Variants in RBFOX1 observed in about 807,000 individuals in gnomAD.
The protein encoded by RBFOX1 is RNA binding protein fox-1 homolog 1.
Under a neutral mutation model 57.7 loss-of-function variants are expected in RBFOX1, and 8 were observed. The observed-to-expected ratio is 0.14, with a 90% CI of 0.08 to 0.25. The LOEUF is 0.25. Ranked by LOEUF, RBFOX1 falls within the 10% of genes least tolerant of loss-of-function variation. The pLI is 1.00. For missense variants in RBFOX1, 611 were observed against 548.5 expected, an observed-to-expected ratio of 1.11 and a Z score of -1.14; for synonymous variants, 326 against 222.4, an observed-to-expected ratio of 1.47 and a Z score of -4.15.
Position 6,985,110 on chromosome 16 carries a change from C to CCCCTA in RBFOX1, c.-15-66922_-15-66918dup, listed in dbSNP as rs528617006. Among the ~76,000 whole-genome samples the CCCCTA allele has an allele frequency of 9.9e-4, 151 of 151,994 alleles. 1 individual carries two copies. The highest frequency in any genetic ancestry group is 2.7e-3 in the East Asian group (14 of 5,164). The stretch of plus-strand genomic sequence containing the variant: ...AATTTCCTCTCCCCTCTCCTTCCTT[C>CCCCTA]CCCTACCCTACCCTACCCTACCCTA... On this transcript the variant is annotated intron_variant, in intron 3 of 15. Transcript: ENST00000550418.
intron 4 of RBFOX1, among the ~76,000 whole-genome samples, chr16:7,463,122 C>T (rs1038030503): frequency 3.3e-5 from 5 of 152,146 alleles, no homozygotes; most frequent in Admixed American, 1.3e-4. Flanking sequence ...CAGGTAAGGG[C>T]CCACTTTTTG....
chr16:5,931,555 G>A (rs975043554), intron 4 of RBFOX1, among the ~76,000 whole-genome samples: 5 of 152,136 alleles, frequency 3.3e-5, no homozygotes, highest in Non-Finnish European at 7.3e-5. Context: ...TAATGTGTAG[G>A]CAGATAGGTA....
chr16:5,958,161 T>G (rs1310119078), intron 4 of RBFOX1, among the ~76,000 whole-genome samples: 1 of 152,226 alleles, frequency 6.6e-6, no homozygotes. Context: ...GATACTTTTT[T>G]GTGTAAAGGG....
At chr16:5,556,091 T>G (rs1476269140) in intron 2 of RBFOX1, among the ~76,000 whole-genome samples, 2 of 152,208 alleles carry the variant, frequency 1.3e-5, no homozygotes, top group Non-Finnish European at 2.9e-5. Flanking sequence ...TGTATTCTAC[T>G]GCTATGATTT....
intron 4 of RBFOX1, among the ~76,000 whole-genome samples, chr16:7,361,911 A>T (rs978341266): frequency 1.5e-5 from 2 of 137,106 alleles, no homozygotes; most frequent in Non-Finnish European, 3.1e-5. Flanking sequence ...TTTTTGTGTT[A>T]GTTTGCATAT....
At chr16:5,613,005 C>A (rs1029444763) in intron 3 of RBFOX1, among the ~76,000 whole-genome samples, 1 of 152,168 alleles carries the variant, frequency 6.6e-6, no homozygotes, top group East Asian at 1.9e-4. Context: ...CTCCATTTTA[C>A]AGATGACAAG....
intron 2 of RBFOX1, among the ~76,000 whole-genome samples, chr16:5,597,172 C>G (rs2047209144): frequency 6.6e-6 from 1 of 151,916 alleles, no homozygotes; most frequent in Non-Finnish European, 1.5e-5. Context: ...CTGTTTCTCT[C>G]TCTTTTGATA....
intron 5 of RBFOX1, among the ~76,000 whole-genome samples, chr16:7,568,636 A>C (rs1000939322): frequency 2.0e-5 from 3 of 152,062 alleles, no homozygotes; most frequent in Non-Finnish European, 4.4e-5. Context: ...CTGTAATCCC[A>C]GCACTGTGGG....
At chr16:7,624,860 G>C (rs536996412) in intron 10 of RBFOX1, among the ~76,000 whole-genome samples, 2 of 152,302 alleles carry the variant, frequency 1.3e-5, no homozygotes, top group South Asian at 4.1e-4. Context: ...GAAATGCCAA[G>C]GTTGTTGGTT....
chr16:6,123,193 C>A (rs868066470), intron 1 of RBFOX1, among the ~76,000 whole-genome samples: 1 of 152,142 alleles, frequency 6.6e-6, no homozygotes, highest in African/African-American at 2.4e-5. Context: ...TGCACAGATA[C>A]TTGTATACCA....
chr16:6,057,582 A>G (rs1005875945), intron 1 of RBFOX1, among the ~76,000 whole-genome samples: 3 of 152,150 alleles, frequency 2.0e-5, no homozygotes, highest in Non-Finnish European at 4.4e-5. Context: ...AAAAAGAAAA[A>G]AAAAGACCAA....
intron 3 of RBFOX1, among the ~76,000 whole-genome samples, chr16:5,674,631 T>C (rs2050112289): frequency 6.6e-6 from 1 of 152,228 alleles, no homozygotes; most frequent in African/African-American, 2.4e-5. Flanking sequence ...GTGCCAAAGT[T>C]ATTGTGGGTT....
intron 4 of RBFOX1, among the ~76,000 whole-genome samples, chr16:7,108,262 G>A (rs2063969095): frequency 6.6e-6 from 1 of 152,060 alleles, no homozygotes; most frequent in Non-Finnish European, 1.5e-5. Context: ...ATGGGGAACT[G>A]GTATTCAGGG....
intron 2 of RBFOX1, among the ~76,000 whole-genome samples, chr16:6,489,657 A>G (rs2095586395): frequency 6.6e-6 from 1 of 152,172 alleles, no homozygotes; most frequent in Non-Finnish European, 1.5e-5. Flanking sequence ...TTTTAGTCTC[A>G]TTTTGGAGTG....
intron 3 of RBFOX1, among the ~76,000 whole-genome samples, chr16:6,936,131 C>A (rs904491124): frequency 6.6e-6 from 1 of 152,164 alleles, no homozygotes; most frequent in Non-Finnish European, 1.5e-5. Flanking sequence ...AGCTTCTGTA[C>A]ACTTGATGGA....
At chr16:6,109,840 A>G (rs1597389530) in intron 1 of RBFOX1, among the ~76,000 whole-genome samples, 1 of 152,206 alleles carries the variant, frequency 6.6e-6, no homozygotes, top group Non-Finnish European at 1.5e-5. Context: ...CTTCAATTTT[A>G]CATCAAATAG....
At chr16:6,702,653 C>T (rs376981519) in intron 3 of RBFOX1, among the ~76,000 whole-genome samples, 16 of 152,314 alleles carry the variant, frequency 1.1e-4, no homozygotes, top group African/African-American at 3.6e-4. Flanking sequence ...GATACCCAGC[C>T]CAGTGACTGG....
intron 3 of RBFOX1, among the ~76,000 whole-genome samples, chr16:6,829,366 C>T (rs1011835047): frequency 1.3e-5 from 2 of 150,346 alleles, no homozygotes; most frequent in Non-Finnish European, 2.9e-5. Context: ...TCAATGTGTA[C>T]ACACACATAC....
intron 1 of RBFOX1, among the ~76,000 whole-genome samples, chr16:5,428,894 T>C (rs80313670): frequency 0.015 from 2,323 of 152,296 alleles, 68 homozygotes; most frequent in African/African-American, 0.053. Flanking sequence ...CACTGTTTTG[T>C]TCAAATATTT....
Sources: gnomAD v4.1 joint callset for allele counts (sites outside exome capture counted in the v4.1 genomes callset) on GRCh38, gnomAD v4.1.1 for gene constraint, MANE v1.5 for transcripts, NCBI Gene and HGNC (gene_info 2026-07-23, HGNC 2026-07-21) for gene names.